The following SREBF2 variants were observed in gnomAD, a reference collection of about 807,000 sequenced individuals.
SREBF2 encodes the protein sterol regulatory element-binding protein 2.
Under a neutral mutation model 113.1 loss-of-function variants are expected in SREBF2, and 55 were observed. That is an observed-to-expected ratio of 0.49 (90% CI 0.39 to 0.61). The LOEUF is 0.61. Among genes scored for constraint, SREBF2 ranks in the 20% least tolerant of loss-of-function variants. The probability of loss-of-function intolerance (pLI) is 0.00; values close to 1 mark genes in which losing one functional copy is unlikely to be tolerated. For synonymous variants in SREBF2, 593 were observed against 605.7 expected (o/e 0.98, Z 0.31); for missense variants, 1,349 against 1,487.4 (o/e 0.91, Z 1.53).
intron 4 of SREBF2, among the ~76,000 whole-genome samples, chr22:41,873,149 A>G (rs538245061): frequency 6.6e-6 from 1 of 152,120 alleles, no homozygotes; most frequent in South Asian, 2.1e-4. Context: ...GTGAGCCGAG[A>G]TCACACCATT....
intron 1 of SREBF2, 63 bp from the exon 2 acceptor site, chr22:41,866,768 A>C: frequency 6.3e-7 from 1 of 1,585,778 alleles, no homozygotes; most frequent in Non-Finnish European, 8.7e-7. Flanking sequence ...TTAGTTTCTT[A>C]AGCAAGTTTG....
Position 41,877,922 on chromosome 22 carries a change from G to A in SREBF2, c.1580-20G>A. The A allele has an allele frequency of 2.5e-6, 4 of 1,614,196 alleles. No homozygotes were observed. In the South Asian group the frequency reaches 4.4e-5, roughly 18 times the overall value. On this transcript the variant is annotated intron_variant, in intron 8 of 18. Transcript: ENST00000361204. The stretch of plus-strand genomic sequence containing the variant: ...CGCAAGGCCTTTCCTAGCAGACTCT[G>A]CTGAGACGCTCCTTCTTAGGTTCTG...
At position 41,906,307 on chromosome 22, in the gene SREBF2, G is replaced by A. The variant is rs4822067; in HGVS notation, c.*647G>A. 31,260 of 214,458 alleles carry A rather than the reference G, an allele frequency of 0.15. 3,135 individuals are homozygous for A. The highest frequency in any genetic ancestry group is 0.32 in the Admixed American group (6,021 of 18,852). 13.3% of individuals were successfully genotyped at this position (214,458 alleles called of 1,614,324 possible). ...GGTGGGAGGCAGGGGGCAGGCCTGCGGATGCATGAAATAATGTTGGCATTA... is the reference window on the plus strand; with the variant it reads ...GGTGGGAGGCAGGGGGCAGGCCTGCAGATGCATGAAATAATGTTGGCATTA... On this transcript the variant is annotated 3_prime_UTR_variant, in exon 19 of 19. Transcript: ENST00000361204.
chr22:41,839,607 A>C (rs1196246801), intron 1 of SREBF2, among the ~76,000 whole-genome samples: 1 of 152,136 alleles, frequency 6.6e-6, no homozygotes. Flanking sequence ...AAGTAGAATA[A>C]TTTTTTCAAT....
intron 8 of SREBF2, 43 bp downstream of exon 8, chr22:41,877,464 C>G (rs778627182): frequency 6.2e-7 from 1 of 1,604,166 alleles, no homozygotes; most frequent in Non-Finnish European, 8.5e-7. Flanking sequence ...GGCTGGACCA[C>G]TATGGCAGGA....
intron 3 of SREBF2, among the ~76,000 whole-genome samples, chr22:41,870,444 T>G (rs1291450318): frequency 1.3e-5 from 2 of 151,740 alleles, no homozygotes; most frequent in Middle Eastern, 3.4e-3. Context: ...GGCAACATGG[T>G]GAAACCCTGT....
chr22:41,901,635 T>C (rs1267845183), intron 16 of SREBF2, among the ~76,000 whole-genome samples: 1 of 152,140 alleles, frequency 6.6e-6, no homozygotes, highest in East Asian at 1.9e-4. Flanking sequence ...CACTCCAGCC[T>C]GGGCAACAGA....
rs2077456497 is a variant in SREBF2, at chr22:41,900,512, G to C, written c.2907+14G>C. 2 of 1,611,282 alleles carry C rather than the reference G, an allele frequency of 1.2e-6. No homozygotes were observed. The highest frequency in any genetic ancestry group is 1.7e-6 in the Non-Finnish European group (2 of 1,178,640). On this transcript the variant is annotated intron_variant, in intron 16 of 18. Coordinates refer to ENST00000361204, the MANE Select transcript of SREBF2 (RefSeq NM_004599.4). ...GCCCTCAACCACGTGAGTGGGAGCT[G>C]AGTTGGCCCCTGGGGGAGGTGCTCT...
chr22:41,851,597 G>A (rs578165699), intron 1 of SREBF2, among the ~76,000 whole-genome samples: 1 of 152,158 alleles, frequency 6.6e-6, no homozygotes, highest in East Asian at 1.9e-4. Flanking sequence ...GGGTTCAAGC[G>A]ATTCTCCTGC....
rs2077479149 is a variant in SREBF2 at position 41,903,120 on chromosome 22, A to G, written c.3058A>G (p.Arg1020Gly). ...GFQRDLGSLR[R>G]LAHSFRPAYR... ...CCAACGGGACCTGGGCAGCCTGCGC[A>G]GGCTGGCACACAGCTTCCGCCCAGC... Residue 1020 changes from arginine to glycine, a missense_variant, in exon 17 of 19, where the codon AGG (arginine) becomes GGG (glycine). By Grantham distance (125) the Arg-to-Gly change is moderately radical. Coordinates refer to ENST00000361204, the MANE Select transcript of SREBF2 (RefSeq NM_004599.4). The G allele has an allele frequency of 6.4e-7, 1 of 1,560,974 alleles. No individual in the cohort carries two copies. The highest frequency in any genetic ancestry group is 1.2e-5 in the South Asian group (1 of 85,294).
At chr22:41,841,545 C>T (rs2076830496) in intron 1 of SREBF2, among the ~76,000 whole-genome samples, 1 of 152,194 alleles carries the variant, frequency 6.6e-6, no homozygotes, top group Non-Finnish European at 1.5e-5. Context: ...GGCCTTTGGC[C>T]TAATGTTCTT....
intron 10 of SREBF2, among the ~76,000 whole-genome samples, chr22:41,881,200 A>G (rs2077242668): frequency 6.6e-6 from 1 of 152,270 alleles, no homozygotes; most frequent in South Asian, 2.1e-4. Flanking sequence ...ACATGTTTTC[A>G]CAATAACATC....
At chr22:41,902,813 C>G (rs2077475779) in intron 16 of SREBF2, among the ~76,000 whole-genome samples, 157 bp from the exon 17 acceptor site, 1 of 152,218 alleles carries the variant, frequency 6.6e-6, no homozygotes, top group Non-Finnish European at 1.5e-5. Context: ...CTGAGCTGTT[C>G]CCTCACGTCC....
chr22:41,866,528 T>C (rs554269335), intron 1 of SREBF2, among the ~76,000 whole-genome samples: 3 of 152,076 alleles, frequency 2.0e-5, no homozygotes, highest in South Asian at 4.2e-4. Flanking sequence ...CCATCCAGCG[T>C]GGGCGATAGA....
At chr22:41,876,939 A>C (rs1201969209) in intron 7 of SREBF2, among the ~76,000 whole-genome samples, 1 of 152,288 alleles carries the variant, frequency 6.6e-6, no homozygotes, top group East Asian at 1.9e-4. Context: ...CAGAAACAGA[A>C]TCATACAGTG....
chr22:41,877,841 A>G, intron 8 of SREBF2, 101 bp from the exon 9 acceptor site: 1 of 1,234,370 alleles, frequency 8.1e-7, no homozygotes, highest in Non-Finnish European at 1.2e-6. Flanking sequence ...TCTGAAAATG[A>G]GGTAGAAGAC....
chr22:41,871,060 C>A, intron 4 of SREBF2, 25 bp downstream of exon 4: 1 of 1,613,814 alleles, frequency 6.2e-7, no homozygotes. Flanking sequence ...CTCCCCCACC[C>A]TCCTCCCTCC....
intron 1 of SREBF2, among the ~76,000 whole-genome samples, chr22:41,851,521 C>G (rs892470935): frequency 2.6e-5 from 4 of 151,830 alleles, no homozygotes; most frequent in African/African-American, 9.7e-5. Flanking sequence ...GAGATGAAGT[C>G]TTGCTCTTGT....
intron 16 of SREBF2, 26 bp from the exon 17 acceptor site, chr22:41,902,944 C>T (rs1354751012): frequency 1.9e-6 from 3 of 1,600,942 alleles, no homozygotes; most frequent in South Asian, 2.3e-5. Context: ...TCACCTGTCT[C>T]CCCTCTCTCG....
Sources: gnomAD v4.1 joint callset for allele counts (sites outside exome capture counted in the v4.1 genomes callset) on GRCh38, gnomAD v4.1.1 for gene constraint, MANE v1.5 for transcripts, NCBI Gene and HGNC (gene_info 2026-07-23, HGNC 2026-07-21) for gene names.